The following BAIAP2 variants were observed in gnomAD, a reference collection of about 807,000 sequenced individuals.
The protein encoded by BAIAP2 is BAR/IMD domain containing adaptor protein 2, also known as BAR/IMD domain-containing adapter protein 2.
In BAIAP2, 18 loss-of-function variants were observed where a neutral mutation model predicts 63.0. The observed-to-expected ratio is 0.29, with a 90% CI of 0.20 to 0.42. BAIAP2 has a LOEUF of 0.42. BAIAP2 is among the 10% of genes least tolerant of loss of function. The probability of loss-of-function intolerance (pLI) is 1.00; values close to 1 mark genes in which losing one functional copy is unlikely to be tolerated. For missense variants in BAIAP2, 610 were observed against 734.3 expected (o/e 0.83, Z 1.96); for synonymous variants, 386 against 307.6 (o/e 1.25, Z -2.67).
At chr17:81,099,042 A>G (rs890533498) in intron 6 of BAIAP2, among the ~76,000 whole-genome samples, 7 of 144,984 alleles carry the variant, frequency 4.8e-5, no homozygotes, top group Non-Finnish European at 1.0e-4. Context: ...GGCAGCTCCA[A>G]GGTGGAAGGG....
intron 2 of BAIAP2, among the ~76,000 whole-genome samples, chr17:81,056,958 A>T (rs1483034794): frequency 6.6e-6 from 1 of 151,712 alleles, no homozygotes; most frequent in Non-Finnish European, 1.5e-5. Context: ...TCGAGGCAGC[A>T]CACCCGTCCC....
chr17:81,096,978 G>A (rs2057733934), intron 6 of BAIAP2, among the ~76,000 whole-genome samples: 2 of 151,484 alleles, frequency 1.3e-5, no homozygotes, highest in African/African-American at 4.8e-5. Context: ...GGAGAAAGGA[G>A]AGGAGGAGGA....
At chr17:81,113,577 C>T (rs954511101) in intron 13 of BAIAP2, among the ~76,000 whole-genome samples, 2 of 152,226 alleles carry the variant, frequency 1.3e-5, no homozygotes, top group Non-Finnish European at 2.9e-5. Flanking sequence ...CCTGCTGTCC[C>T]AGCCAGCCTT....
At chr17:81,058,161 G>A (rs1363485306) in intron 3 of BAIAP2, among the ~76,000 whole-genome samples, 194 bp downstream of exon 3, 2 of 152,200 alleles carry the variant, frequency 1.3e-5, no homozygotes, top group Admixed American at 6.5e-5. Flanking sequence ...CTGGGTCCCC[G>A]TCCCCTGAGG....
At chr17:81,075,707 C>T (rs2053551033) in intron 3 of BAIAP2, among the ~76,000 whole-genome samples, 1 of 152,190 alleles carries the variant, frequency 6.6e-6, no homozygotes, top group Non-Finnish European at 1.5e-5. Flanking sequence ...ACCACACTCC[C>T]TCTGTGCCCT....
intron 13 of BAIAP2, among the ~76,000 whole-genome samples, chr17:81,112,274 G>A (rs888412939): frequency 1.3e-5 from 2 of 152,230 alleles, no homozygotes; most frequent in African/African-American, 2.4e-5. Context: ...CAGGGACCAC[G>A]TCCCTTGGAG....
chr17:81,106,956 G>A (rs2059254970), intron 12 of BAIAP2, 49 bp downstream of exon 12: 1 of 1,462,738 alleles, frequency 6.8e-7, no homozygotes, highest in Admixed American at 2.6e-5. Flanking sequence ...TGGAACAGTG[G>A]GCTCAGCCTG....
At chr17:81,084,786 C>G (rs762277193) in intron 3 of BAIAP2, 46 bp from the exon 4 acceptor site, 5 of 1,591,214 alleles carry the variant, frequency 3.1e-6, no homozygotes, top group South Asian at 1.1e-5. Context: ...GTGGTGACTG[C>G]GAGCACCTGA....
At chr17:81,096,747 G>C (rs1412265631) in intron 6 of BAIAP2, among the ~76,000 whole-genome samples, 1 of 152,274 alleles carries the variant, frequency 6.6e-6, no homozygotes, top group Non-Finnish European at 1.5e-5. Context: ...GTGGCGTCCT[G>C]GCCACGGCCA....
chr17:81,039,653 G>A (rs578167605), intron 1 of BAIAP2, among the ~76,000 whole-genome samples: 52 of 152,276 alleles, frequency 3.4e-4, no homozygotes, highest in Non-Finnish European at 6.5e-4. Flanking sequence ...GGCTTTCAGG[G>A]GCCACCGTTA....
chr17:81,058,413 TTGTC>T (rs1313784512), intron 3 of BAIAP2, among the ~76,000 whole-genome samples: 2 of 152,166 alleles, frequency 1.3e-5, no homozygotes, highest in East Asian at 1.9e-4. Context: ...TATTGATGCT[TTGTC>T]TGTGTTTAGC....
At chr17:81,110,458 C>T in intron 13 of BAIAP2, 2 of 998,852 alleles carry the variant, frequency 2.0e-6, no homozygotes, top group Non-Finnish European at 2.4e-6. Context: ...TTTAAAAAAT[C>T]TGAATTGTGC....
At chr17:81,039,199 G>A (rs1339203974) in intron 1 of BAIAP2, among the ~76,000 whole-genome samples, 6 of 152,192 alleles carry the variant, frequency 3.9e-5, no homozygotes, top group Non-Finnish European at 8.8e-5. Context: ...GTGCTGATGT[G>A]GTCCCCTTGG....
At chr17:81,054,969 C>G (rs141610240) in intron 2 of BAIAP2, among the ~76,000 whole-genome samples, 143 of 152,270 alleles carry the variant, frequency 9.4e-4, no homozygotes, top group African/African-American at 3.3e-3. Flanking sequence ...TACCCTCTAC[C>G]GTGTCTGTCC....
In BAIAP2 at chr17:81,057,972, G is replaced by GGGGGGCC; in HGVS notation, c.217+5_217+6insGGGGGCC. On this transcript the variant is annotated splice_donor_region_variant and intron_variant, in intron 3 of 13. Transcript: ENST00000428708. Reference sequence around the variant, plus strand: ...GCCAGGGCTCCAAAGAACTCGGTGAGACCCCCCCCCCCCCCCCGCCTGGTA... The same window carrying GGGGGGCC: ...GCCAGGGCTCCAAAGAACTCGGTGAGGGGGGCCACCCCCCCCCCCCCCCCGCCTGGTA... The GGGGGGCC allele has an allele frequency of 2.2e-6, 2 of 911,326 alleles. No homozygotes were observed. The highest frequency in any genetic ancestry group is 1.5e-6 in the Non-Finnish European group (1 of 674,554). The allele number at this position is 911,326 out of a possible 1,614,324, so 56.5% of individuals were successfully genotyped here. A position where few individuals can be genotyped will look rare whatever the true frequency, so the allele number is the denominator to read the frequency against.
chr17:81,041,101 G>A (rs896877771), intron 1 of BAIAP2, among the ~76,000 whole-genome samples: 7 of 152,338 alleles, frequency 4.6e-5, no homozygotes, highest in African/African-American at 1.2e-4. Flanking sequence ...TTTGACTCAC[G>A]CTATAGAGCC....
At chr17:81,042,422 C>T (rs547554426) in intron 1 of BAIAP2, among the ~76,000 whole-genome samples, 3 of 152,098 alleles carry the variant, frequency 2.0e-5, no homozygotes, top group Non-Finnish European at 4.4e-5. Flanking sequence ...TCCCAAAGTG[C>T]TGGGATTACA....
At chr17:81,109,900 C>T in intron 13 of BAIAP2, 2 of 985,460 alleles carry the variant, frequency 2.0e-6, no homozygotes, top group Non-Finnish European at 2.4e-6. Context: ...GCGGGCCGGG[C>T]CCGGCTGGGG....
At chr17:81,091,514 C>T (rs1208618369) in intron 6 of BAIAP2, among the ~76,000 whole-genome samples, 1 of 152,160 alleles carries the variant, frequency 6.6e-6, no homozygotes, top group Non-Finnish European at 1.5e-5. Context: ...CCTGCCTGCC[C>T]CCAGCTCTTC....
Sources: allele counts gnomAD v4.1 joint callset (sites outside exome capture counted in the v4.1 genomes callset), GRCh38; gene constraint gnomAD v4.1.1; transcripts MANE v1.5; gene names NCBI Gene and HGNC (gene_info 2026-07-23, HGNC 2026-07-21).